Variants in DOCK4 observed in about 807,000 individuals in gnomAD.
DOCK4 encodes dedicator of cytokinesis 4.
DOCK4 carries 97 observed loss-of-function variants against 268.1 expected under a neutral mutation model. The ratio of observed to expected loss-of-function variants is 0.36; its 90% CI spans 0.31 to 0.43. The LOEUF (loss-of-function observed/expected upper bound fraction) is 0.43. DOCK4 is among the 20% of genes least tolerant of loss of function. The probability of loss-of-function intolerance (pLI) is 1.00; values close to 1 mark genes in which losing one functional copy is unlikely to be tolerated. For missense variants in DOCK4, 2,145 were observed against 2,455.7 expected, an observed-to-expected ratio of 0.87 and a Z score of 2.67; for synonymous variants, 954 against 887.2, an observed-to-expected ratio of 1.08 and a Z score of -1.34.
chr7:111,747,750 A>G (rs1169209508), intron 42 of DOCK4, among the ~76,000 whole-genome samples: 3 of 50,462 alleles, frequency 5.9e-5, no homozygotes, highest in Non-Finnish European at 1.2e-4. Flanking sequence ...CATGTCTTTT[A>G]AAACTAGTTT....
At chr7:111,849,090 G>A (rs182767437) in intron 23 of DOCK4, among the ~76,000 whole-genome samples, 3 of 152,178 alleles carry the variant, frequency 2.0e-5, no homozygotes, top group East Asian at 3.9e-4. Flanking sequence ...GTGCTTTCTC[G>A]CTTTAATAAA....
intron 1 of DOCK4, among the ~76,000 whole-genome samples, chr7:112,190,028 C>A (rs897681149): frequency 1.3e-5 from 2 of 152,088 alleles, no homozygotes; most frequent in Non-Finnish European, 2.9e-5. Flanking sequence ...CTGTGGATGT[C>A]GGGGGGTTGC....
At chr7:111,995,884 A>G (rs931448520) in intron 4 of DOCK4, among the ~76,000 whole-genome samples, 1 of 152,204 alleles carries the variant, frequency 6.6e-6, no homozygotes, top group Non-Finnish European at 1.5e-5. Context: ...TGGGATTTTA[A>G]ACTAGAAATA....
chr7:112,080,605 G>A (rs189569811), intron 1 of DOCK4, among the ~76,000 whole-genome samples: 239 of 152,268 alleles, frequency 1.6e-3, no homozygotes, highest in African/African-American at 5.2e-3. Context: ...GGTTGGCTAC[G>A]CACTTGTGAC....
At chr7:111,795,464 C>T (rs1337149053) in intron 30 of DOCK4, among the ~76,000 whole-genome samples, 1 of 152,142 alleles carries the variant, frequency 6.6e-6, no homozygotes, top group Non-Finnish European at 1.5e-5. Context: ...CATTTTCCCA[C>T]AGAGTGGAGA....
intron 1 of DOCK4, among the ~76,000 whole-genome samples, chr7:112,180,979 C>G (rs1001333974): frequency 7.1e-4 from 108 of 152,270 alleles, no homozygotes; most frequent in African/African-American, 2.4e-3. Flanking sequence ...GTAGTAGTTG[C>G]AGAATGGCTT....
intron 14 of DOCK4, 74 bp from the exon 15 acceptor site, chr7:111,900,610 T>A: frequency 6.8e-7 from 1 of 1,461,254 alleles, no homozygotes; most frequent in Non-Finnish European, 9.2e-7. Context: ...AGCAATCACT[T>A]TGCTCTATCT....
intron 1 of DOCK4, among the ~76,000 whole-genome samples, chr7:112,173,434 A>T (rs1316089270): frequency 6.6e-6 from 1 of 152,162 alleles, no homozygotes; most frequent in Non-Finnish European, 1.5e-5. Flanking sequence ...CAGCTGTTTT[A>T]CAGGCAGCAG....
At chr7:111,900,682 C>T in intron 14 of DOCK4, 146 bp from the exon 15 acceptor site, 1 of 799,422 alleles carries the variant, frequency 1.3e-6, no homozygotes, top group Non-Finnish European at 1.9e-6. Context: ...TGTTTCTGTA[C>T]TTGCTGCTGC....
At chr7:111,773,825 TGG>T (rs1798274564) in intron 36 of DOCK4, among the ~76,000 whole-genome samples, 1 of 151,330 alleles carries the variant, frequency 6.6e-6, no homozygotes, top group African/African-American at 2.4e-5. Flanking sequence ...GAGACTAGCC[TGG>T]GCAATATGGC....
At chr7:111,998,336 G>A in intron 4 of DOCK4, 112 bp downstream of exon 4, 1 of 814,168 alleles carries the variant, frequency 1.2e-6, no homozygotes, top group Non-Finnish European at 1.9e-6. Flanking sequence ...CACAGACAAT[G>A]GTATGATCTT....
chr7:111,770,777 A>G (rs1043022053), intron 36 of DOCK4, among the ~76,000 whole-genome samples: 10 of 152,232 alleles, frequency 6.6e-5, no homozygotes, highest in Non-Finnish European at 1.3e-4. Context: ...AGCTTTTAAG[A>G]TGGTATCAAT....
intron 1 of DOCK4, among the ~76,000 whole-genome samples, chr7:112,126,149 T>C (rs1182201172): frequency 1.3e-5 from 2 of 152,194 alleles, no homozygotes; most frequent in Non-Finnish European, 2.9e-5. Flanking sequence ...TTCTCTCTTC[T>C]GCAAAACGAG....
chr7:111,746,148 A>T (rs1405910392), intron 44 of DOCK4, among the ~76,000 whole-genome samples, 186 bp downstream of exon 44: 1 of 152,186 alleles, frequency 6.6e-6, no homozygotes, highest in Non-Finnish European at 1.5e-5. Flanking sequence ...TTGTTAAATT[A>T]ATTTTTGCAT....
chr7:112,072,093 C>A (rs551835553), intron 1 of DOCK4, among the ~76,000 whole-genome samples: 165 of 152,300 alleles, frequency 1.1e-3, no homozygotes, highest in Non-Finnish European at 2.0e-3. Context: ...AAAACATCTT[C>A]TCTTTTCTTT....
At chr7:111,892,675 T>C (rs1808391866) in intron 16 of DOCK4, among the ~76,000 whole-genome samples, 3 of 152,230 alleles carry the variant, frequency 2.0e-5, no homozygotes, top group African/African-American at 7.2e-5. Flanking sequence ...CACGTTTCTT[T>C]TTAAATACTG....
intron 52 of DOCK4, 120 bp downstream of exon 52, chr7:111,732,106 T>G (rs991883363): frequency 3.0e-6 from 3 of 994,732 alleles, no homozygotes; most frequent in East Asian, 2.6e-5. Context: ...CTATCCCTGA[T>G]TGATAAGTTC....
At chr7:111,933,312 T>G in intron 12 of DOCK4, among the ~76,000 whole-genome samples, 1 of 143,002 alleles carries the variant, frequency 7.0e-6, no homozygotes, top group African/African-American at 2.6e-5. Context: ...TTTTTTTTTT[T>G]TGAGATGGAG....
At chr7:111,808,672 C>A (rs573586956) in intron 30 of DOCK4, 149 bp downstream of exon 30, 2 of 740,874 alleles carry the variant, frequency 2.7e-6, no homozygotes, top group Non-Finnish European at 4.3e-6. Flanking sequence ...CATTCAATGC[C>A]AAAGTGTCAA....
Sources: allele counts gnomAD v4.1 joint callset (sites outside exome capture counted in the v4.1 genomes callset), GRCh38; gene constraint gnomAD v4.1.1; transcripts MANE v1.5; gene names NCBI Gene and HGNC (gene_info 2026-07-23, HGNC 2026-07-21).